The following BTK variants were observed in gnomAD, a reference collection of about 807,000 sequenced individuals.
The protein encoded by BTK is tyrosine-protein kinase BTK.
Under a neutral mutation model 57.4 loss-of-function variants are expected in BTK, and 5 were observed. That is an observed-to-expected ratio of 0.09 (90% CI 0.05 to 0.18). The LOEUF is 0.18. Ranked by LOEUF, BTK falls within the 10% of genes least tolerant of loss-of-function variation. The probability of loss-of-function intolerance (pLI) is 1.00; values close to 1 mark genes in which losing one functional copy is unlikely to be tolerated. For synonymous variants in BTK, 154 were observed against 174.3 expected, an observed-to-expected ratio of 0.88 and a Z score of 0.92; for missense variants, 194 against 501.2, an observed-to-expected ratio of 0.39 and a Z score of 5.85.
chrX:101,379,786 GA>G (rs1555981528), intron 1 of BTK, among the ~76,000 whole-genome samples: 1 of 112,120 alleles, frequency 8.9e-6, no homozygotes, highest in African/African-American at 3.2e-5. Context: ...GGAGATAAGA[GA>G]GTATTCAAGA....
intron 1 of BTK, among the ~76,000 whole-genome samples, chrX:101,379,537 A>G (rs1483441958): frequency 1.8e-5 from 2 of 112,567 alleles, no homozygotes; most frequent in African/African-American, 3.2e-5. Flanking sequence ...TGACTTGTCC[A>G]ACCTCATCCA....
At chrX:101,383,591 C>T (rs1401634758) in intron 1 of BTK, among the ~76,000 whole-genome samples, 1 of 109,836 alleles carries the variant, frequency 9.1e-6, no homozygotes, top group African/African-American at 3.3e-5. Flanking sequence ...TTCCAACTTC[C>T]AGCTTGTCTA....
In BTK at chrX:101,360,031, T is replaced by TAG. The variant is rs782231417; in HGVS notation, c.839+56_839+57insCT. On this transcript the variant is annotated intron_variant, in intron 9 of 18. Transcript: ENST00000308731. The stretch of plus-strand genomic sequence containing the variant: ...ATATATAAATAAATAAATATATATA[T>TAG]ATATAGAGAGAGAGAGTTCCTCCTG... 26 of 476,894 alleles carry TAG rather than the reference T, an allele frequency of 5.5e-5. No homozygotes were observed. The African/African-American group carries it at 5.8e-4, about 11-fold the overall frequency. 39.3% of individuals were successfully genotyped at this position (476,894 alleles called of 1,213,427 possible).
chrX:101,362,734 A>G, intron 5 of BTK, 45 bp from the exon 6 acceptor site: 1 of 1,208,900 alleles, frequency 8.3e-7, no homozygotes, highest in Non-Finnish European at 1.1e-6. Flanking sequence ...CATGGAGGAG[A>G]AGCCACCATT....
At chrX:101,386,819 C>A (rs1373452629), upstream of BTK, among the ~76,000 whole-genome samples, 2 of 112,251 alleles carry the variant, frequency 1.8e-5, no homozygotes, top group Non-Finnish European at 3.8e-5. Flanking sequence ...TGACTTTCTC[C>A]ATTTAAGATT....
Position 101,357,485 on chromosome X carries a change from T to C in BTK, c.1177+24A>G, listed in dbSNP as rs782571860. 11 of 1,199,731 alleles carry C rather than the reference T, an allele frequency of 9.2e-6. No homozygotes were observed. The East Asian group carries it at 3.0e-4, about 32-fold the overall frequency. ...GTTTTTGCAACTGGCCAGTCCACCCTACCCCAGAGAAATAAGGAGTTACCG... is the reference window on the plus strand; with the variant it reads ...GTTTTTGCAACTGGCCAGTCCACCCCACCCCAGAGAAATAAGGAGTTACCG... On this transcript the variant is annotated intron_variant, in intron 13 of 18. Coordinates refer to ENST00000308731, the MANE Select transcript of BTK (RefSeq NM_000061.3).
chrX:101,356,654 T>G, intron 14 of BTK, 130 bp downstream of exon 14: 1 of 774,830 alleles, frequency 1.3e-6, no homozygotes. Flanking sequence ...TACCGCCAGT[T>G]AAAGGTAAAC....
intron 15 of BTK, 30 bp downstream of exon 15, chrX:101,356,022 T>C (rs1555977789): frequency 8.4e-7 from 1 of 1,193,670 alleles, no homozygotes; most frequent in Non-Finnish European, 1.1e-6. Context: ...ATCAGCCCTT[T>C]GTCCTAGGCC....
Position 101,369,978 on chromosome X carries a change from A to G in BTK, c.391+20T>C. ...TTTCCTTCTTTCTTTGGAAACATTTATTTTCCAAATAATTCTCACCGTTTT... is the reference window on the plus strand; with the variant it reads ...TTTCCTTCTTTCTTTGGAAACATTTGTTTTCCAAATAATTCTCACCGTTTT... On this transcript the variant is annotated intron_variant, in intron 5 of 18. Transcript: ENST00000308731. 1 of 1,181,148 alleles carries G rather than the reference A, an allele frequency of 8.5e-7. No individual in the cohort carries two copies.
upstream of BTK, chrX:101,390,506 A>G (rs1288158812): frequency 1.9e-6 from 1 of 514,161 alleles, no homozygotes; most frequent in Non-Finnish European, 3.5e-6. Flanking sequence ...CCTGCCACAT[A>G]ATGGGCATCC....
Position 101,362,579 on chromosome X carries a change from A to G in BTK, c.502T>C (p.Leu168=), listed in dbSNP as rs782526955. The G allele has an allele frequency of 2.1e-5, 25 of 1,212,137 alleles. No homozygotes were observed. The highest frequency in any genetic ancestry group is 2.8e-5 in the Non-Finnish European group (25 of 895,599). ...TAKNAMGCQI[L]ENRNGSLKPG... ...TGCTTACTTCCATTCCTGTTCTCCA[A>G]AATTTGGCAGCCCATAGCATTTTTG... Residue 168 remains leucine (L), a synonymous_variant, in exon 6 of 19, where the codon TTG becomes CTG. Transcript: ENST00000308731.
At chrX:101,362,035 A>G in intron 7 of BTK, 138 bp downstream of exon 7, 1 of 646,913 alleles carries the variant, frequency 1.5e-6, no homozygotes. Flanking sequence ...CCTAATTAGA[A>G]GAACAAATCC....
intron 16 of BTK, chrX:101,354,357 T>TTAA (rs1926394344): frequency 4.8e-6 from 2 of 419,596 alleles, no homozygotes; most frequent in Admixed American, 8.5e-5. Context: ...GTCATCAGGA[T>TTAA]TAATAGATCA....
intron 1 of BTK, among the ~76,000 whole-genome samples, chrX:101,382,379 T>G (rs1442547237): frequency 9.2e-6 from 1 of 108,581 alleles, no homozygotes; most frequent in African/African-American, 3.4e-5. Context: ...CAGGCTTCGG[T>G]ACAGTAGCGC....
At chrX:101,374,410 A>T (rs1487417456) in intron 3 of BTK, 126 bp downstream of exon 3, 2 of 589,571 alleles carry the variant, frequency 3.4e-6, no homozygotes, top group Non-Finnish European at 5.8e-6. Context: ...AGAGTGAAGA[A>T]TTTTTAAAGG....
chrX:101,364,238 G>A (rs1209486349), intron 5 of BTK, among the ~76,000 whole-genome samples: 5 of 107,026 alleles, frequency 4.7e-5, no homozygotes, highest in African/African-American at 6.8e-5. Context: ...ATGAAACCCC[G>A]TCTCTACTAA....
chrX:101,350,053 T>A, intron 18 of BTK, 97 bp from the exon 19 acceptor site: 1 of 599,558 alleles, frequency 1.7e-6, no homozygotes, highest in Non-Finnish European at 2.8e-6. Flanking sequence ...AAATATATGC[T>A]CTATGCCCAG....
intron 5 of BTK, among the ~76,000 whole-genome samples, chrX:101,368,792 C>CTGT (rs1482962956): frequency 8.9e-6 from 1 of 112,403 alleles, no homozygotes; most frequent in Non-Finnish European, 1.9e-5. Context: ...TTCGTTCCTC[C>CTGT]TGTTCCCTTT....
At chrX:101,359,378 C>T in intron 9 of BTK, 31 bp from the exon 10 acceptor site, 1 of 1,199,557 alleles carries the variant, frequency 8.3e-7, no homozygotes, top group Non-Finnish European at 1.1e-6. Context: ...TTGAGTGGCT[C>T]CTGGTCATAA....
Sources: gnomAD v4.1 joint callset for allele counts (sites outside exome capture counted in the v4.1 genomes callset) on GRCh38, gnomAD v4.1.1 for gene constraint, MANE v1.5 for transcripts, NCBI Gene and HGNC (gene_info 2026-07-23, HGNC 2026-07-21) for gene names.